GNAO1: variants seen among roughly 807,000 people sequenced by gnomAD.
GNAO1 encodes the protein G protein subunit alpha o1.
For synonymous variants in GNAO1, 164 were observed against 180.7 expected (o/e 0.91, Z 0.74); for missense variants, 166 against 478.7 (o/e 0.35, Z 6.10).
In GNAO1 at chr16:56,278,591, C is replaced by T. The variant is rs531455262; in HGVS notation, c.303+2519C>T. ...GTGGGGGCAGCTCAGAGCCAACATCCTTCCCTTTCCATGTTCTCATGGAGC... is the reference window on the plus strand; with the variant it reads ...GTGGGGGCAGCTCAGAGCCAACATCTTTCCCTTTCCATGTTCTCATGGAGC... On this transcript the variant is annotated intron_variant, in intron 3 of 8. Coordinates refer to ENST00000262493, the MANE Select transcript of GNAO1 (RefSeq NM_020988.3). Among the ~76,000 whole-genome samples the T allele has an allele frequency of 9.8e-4, 149 of 152,322 alleles. 3 individuals carry two copies. The highest frequency in any genetic ancestry group is 3.4e-3 in the African/African-American group (142 of 41,576).
At chr16:56,313,492 C>A (rs2037478898) in intron 3 of GNAO1, among the ~76,000 whole-genome samples, 1 of 151,882 alleles carries the variant, frequency 6.6e-6, no homozygotes, top group Non-Finnish European at 1.5e-5. Context: ...TACATTTTTG[C>A]AAATGTCTTT....
intron 4 of GNAO1, 199 bp downstream of exon 4, chr16:56,328,990 C>G: frequency 1.8e-6 from 1 of 570,450 alleles, no homozygotes; most frequent in South Asian, 2.1e-5. Flanking sequence ...AGAAAGAGGC[C>G]AGAGGAGGCA....
At chr16:56,257,086 T>G (rs2036858156) in intron 2 of GNAO1, among the ~76,000 whole-genome samples, 1 of 152,196 alleles carries the variant, frequency 6.6e-6, no homozygotes, top group South Asian at 2.1e-4. Flanking sequence ...TAAATTCCCT[T>G]TTAATAAAAC....
intron 2 of GNAO1, chr16:56,194,053 T>G (rs59779556): frequency 0.46 from 204,041 of 445,946 alleles, 47,404 homozygotes; most frequent in East Asian, 0.58. Context: ...AAATCTTGGA[T>G]GTGTAACAGG....
intron 3 of GNAO1, among the ~76,000 whole-genome samples, chr16:56,288,095 T>C (rs1206804768): frequency 6.6e-6 from 1 of 152,236 alleles, no homozygotes; most frequent in Non-Finnish European, 1.5e-5. Flanking sequence ...CAGACGTGTC[T>C]TCTTTCTCCC....
chr16:56,353,839 TG>T (rs1193446250), intron 7 of GNAO1, among the ~76,000 whole-genome samples: 5 of 152,234 alleles, frequency 3.3e-5, no homozygotes, highest in Non-Finnish European at 5.9e-5. Flanking sequence ...TGCCCAGAGC[TG>T]GTCTCAGCCA....
intron 3 of GNAO1, among the ~76,000 whole-genome samples, chr16:56,297,523 GT>G (rs1450901914): frequency 5.8e-3 from 19 of 3,268 alleles, no homozygotes; most frequent in African/African-American, 0.011. Flanking sequence ...TGTCTAACTG[GT>G]GTGTGTGTGT....
rs957428026 is a variant in GNAO1 at position 56,295,599 on chromosome 16, A to T, written c.303+19527A>T. Among the ~76,000 whole-genome samples, 4 of 152,142 alleles carry T rather than the reference A, an allele frequency of 2.6e-5. No homozygotes were observed. The East Asian group carries it at 7.7e-4, about 29-fold the overall frequency. ...GCACCACCTTTCTCCCAGTTATCCA[A>T]GCAGAGACCCTGGACTCCTCCTTCC... On this transcript the variant is annotated intron_variant, in intron 3 of 8. Coordinates refer to ENST00000262493, the MANE Select transcript of GNAO1 (RefSeq NM_020988.3).
chr16:56,220,912 T>C (rs142699083), intron 2 of GNAO1, among the ~76,000 whole-genome samples: 1 of 152,166 alleles, frequency 6.6e-6, no homozygotes. Context: ...CGCGACCTGC[T>C]GATTTTTGTA....
chr16:56,221,179 G>A (rs1420887263), intron 2 of GNAO1, among the ~76,000 whole-genome samples: 5 of 152,124 alleles, frequency 3.3e-5, no homozygotes, highest in Admixed American at 6.5e-5. Flanking sequence ...GTGCCTCAAC[G>A]TTGGACTCCC....
rs574879975 is a variant in GNAO1 at position 56,236,457 on chromosome 16, GC to G, written c.162-39473del. Among the ~76,000 whole-genome samples, 11 of 152,242 alleles carry G rather than the reference GC, an allele frequency of 7.2e-5. No homozygotes were observed. The South Asian group carries it at 2.3e-3, about 32-fold the overall frequency. ...GAAAGTGGAGGTGGCTTTCTTAGGAGCTTTAGACATTTCCAGGTATGACTTC... is the reference window on the plus strand; with the variant it reads ...GAAAGTGGAGGTGGCTTTCTTAGGAGTTTAGACATTTCCAGGTATGACTTC... On this transcript the variant is annotated intron_variant, in intron 2 of 8. Transcript: ENST00000262493.
intron 2 of GNAO1, among the ~76,000 whole-genome samples, chr16:56,246,642 G>A (rs944317234): frequency 1.3e-5 from 2 of 152,094 alleles, no homozygotes; most frequent in Admixed American, 1.3e-4. Flanking sequence ...AAGCTCACAC[G>A]GCACCGCTGT....
intron 6 of GNAO1, chr16:56,344,125 G>A (rs552272248): frequency 6.9e-7 from 1 of 1,445,122 alleles, no homozygotes; most frequent in South Asian, 1.5e-5. Flanking sequence ...AACAGAACTT[G>A]TGGTAACGCA....
intron 2 of GNAO1, among the ~76,000 whole-genome samples, chr16:56,208,448 T>TGTGC (rs1453231951): frequency 3.6e-4 from 18 of 50,170 alleles, no homozygotes; most frequent in Non-Finnish European, 8.7e-4. Flanking sequence ...TGTGTGTGTG[T>TGTGC]GCGCGCGCGC....
intron 3 of GNAO1, among the ~76,000 whole-genome samples, chr16:56,317,382 T>G (rs755693926): frequency 2.0e-4 from 30 of 152,162 alleles, no homozygotes; most frequent in Admixed American, 4.6e-4. Context: ...CTGGGGAGAT[T>G]CCCTTTGTCA....
chr16:56,355,120 G>C (rs1041091207), intron 8 of GNAO1, 39 bp downstream of exon 8: 2 of 812,710 alleles, frequency 2.5e-6, no homozygotes, highest in African/African-American at 5.2e-5. Flanking sequence ...TTGCGTGCGC[G>C]CGCATACACA....
intron 4 of GNAO1, among the ~76,000 whole-genome samples, chr16:56,329,490 C>T (rs1230410183): frequency 1.3e-5 from 2 of 151,970 alleles, no homozygotes; most frequent in Non-Finnish European, 2.9e-5. Context: ...CTGGCTGCAG[C>T]TTTATCACTC....
chr16:56,323,728 T>C (rs750632621), intron 3 of GNAO1, among the ~76,000 whole-genome samples: 4 of 152,120 alleles, frequency 2.6e-5, no homozygotes, highest in Admixed American at 1.3e-4. Context: ...CTGGATTCTT[T>C]TTGTAAAGAA....
intron 6 of GNAO1, chr16:56,346,779 C>G: frequency 2.0e-6 from 2 of 985,538 alleles, no homozygotes; most frequent in Non-Finnish European, 2.4e-6. Context: ...TCCCTGCCCT[C>G]CATGGTCTGC....
Sources: gnomAD v4.1 joint callset for allele counts (sites outside exome capture counted in the v4.1 genomes callset) on GRCh38, gnomAD v4.1.1 for gene constraint, MANE v1.5 for transcripts, NCBI Gene and HGNC (gene_info 2026-07-23, HGNC 2026-07-21) for gene names.